GPAT4: variants seen among roughly 807,000 people sequenced by gnomAD.
The protein encoded by GPAT4 is 1-AGP acyltransferase 6.
GPAT4 carries 17 observed loss-of-function variants against 58.0 expected under a neutral mutation model. The observed-to-expected ratio is 0.29, with a 90% CI of 0.20 to 0.44. The LOEUF is 0.44. Ranked by LOEUF, GPAT4 falls within the 20% of genes least tolerant of loss-of-function variation. GPAT4 has a pLI of 1.00. For synonymous variants in GPAT4, 204 were observed against 210.1 expected, an observed-to-expected ratio of 0.97 and a Z score of 0.25; for missense variants, 377 against 574.5, an observed-to-expected ratio of 0.66 and a Z score of 3.51.
chr8:41,621,294 T>C lies in GPAT4; in HGVS notation c.*293T>C. On this transcript the variant is annotated 3_prime_UTR_variant, in exon 13 of 13. Coordinates refer to ENST00000396987, the MANE Select transcript of GPAT4 (RefSeq NM_178819.4). ...TGCCATTAAAGTGAACTCCCCACCT[T>C]TGCACGCTGTGCGGGCTGAGTGGTT... 2.5e-6 allele frequency: 1 copy of C among 403,506 alleles called. No homozygotes were observed. The highest frequency in any genetic ancestry group is 4.6e-6 in the Non-Finnish European group (1 of 217,534). The allele number at this position is 403,506 out of a possible 1,614,324, so 25.0% of individuals were successfully genotyped here.
chr8:41,591,924 A>G (rs1802799608), intron 1 of GPAT4, among the ~76,000 whole-genome samples: 1 of 152,242 alleles, frequency 6.6e-6, no homozygotes, highest in Non-Finnish European at 1.5e-5. Flanking sequence ...TTGCCAGGCC[A>G]GAATAGTCAA....
At chr8:41,619,581 G>A (rs908858577) in intron 12 of GPAT4, among the ~76,000 whole-genome samples, 5 of 152,148 alleles carry the variant, frequency 3.3e-5, no homozygotes, top group African/African-American at 7.2e-5. Flanking sequence ...GATGTGGCCC[G>A]TGGGCTGCAT....
intron 1 of GPAT4, among the ~76,000 whole-genome samples, chr8:41,580,310 G>T (rs1388962886): frequency 6.6e-6 from 1 of 151,942 alleles, no homozygotes; most frequent in Admixed American, 6.6e-5. Context: ...TTAAGAAAGA[G>T]TTACTAAGGG....
chr8:41,579,965 G>T (rs1182449399), intron 1 of GPAT4, among the ~76,000 whole-genome samples: 3 of 152,206 alleles, frequency 2.0e-5, no homozygotes, highest in Admixed American at 6.5e-5. Flanking sequence ...GTCCAGAGCT[G>T]CAGGTCTTAA....
chr8:41,595,542 G>T (rs541504488), intron 1 of GPAT4, among the ~76,000 whole-genome samples: 1 of 151,956 alleles, frequency 6.6e-6, no homozygotes, highest in Non-Finnish European at 1.5e-5. Context: ...CAGTGCTTTC[G>T]GGCTAAGCCC....
intron 1 of GPAT4, among the ~76,000 whole-genome samples, chr8:41,581,779 C>T (rs1023391805): frequency 2.0e-5 from 3 of 151,460 alleles, no homozygotes; most frequent in African/African-American, 7.3e-5. Context: ...CAGGCGCCTG[C>T]CACCACGCCC....
chr8:41,594,824 C>T (rs1802883249), intron 1 of GPAT4, among the ~76,000 whole-genome samples: 3 of 152,120 alleles, frequency 2.0e-5, no homozygotes, highest in South Asian at 2.1e-4. Flanking sequence ...AGATTTCAGG[C>T]GTAAGCCACC....
chr8:41,610,853 C>CTGGGAA (rs1228780149), intron 5 of GPAT4, 43 bp downstream of exon 5: 1 of 1,548,364 alleles, frequency 6.5e-7, no homozygotes, highest in African/African-American at 1.4e-5. Context: ...ACAGTTAGTT[C>CTGGGAA]TGGGAATGGT....
At chr8:41,610,873 T>C (rs954824859) in intron 5 of GPAT4, 63 bp downstream of exon 5, 1 of 1,501,398 alleles carries the variant, frequency 6.7e-7, no homozygotes. Flanking sequence ...TGCTCAGATA[T>C]CGAAGGCAAG....
intron 2 of GPAT4, among the ~76,000 whole-genome samples, chr8:41,604,729 A>G (rs1253895864): frequency 6.6e-6 from 1 of 152,180 alleles, no homozygotes; most frequent in Non-Finnish European, 1.5e-5. Context: ...TCCAAGGTGG[A>G]ACTTGTTGGT....
chr8:41,621,091 T>G lies in GPAT4; in HGVS notation c.*90T>G. 2 of 1,509,274 alleles carry G rather than the reference T, an allele frequency of 1.3e-6. No individual in the cohort carries two copies. Among genetic ancestry groups the G allele is most frequent in the Non-Finnish European group, 1.8e-6 (2 of 1,119,756 alleles). 93.5% of individuals were successfully genotyped at this position (1,509,274 alleles called of 1,614,324 possible). The stretch of plus-strand genomic sequence containing the variant: ...CCGCCGCCCCCACTGCTGTGTCCTT[T>G]CCAGACTCCAGGGCTCCCCGGGCTG... On this transcript the variant is annotated 3_prime_UTR_variant, in exon 13 of 13. Coordinates refer to ENST00000396987, the MANE Select transcript of GPAT4 (RefSeq NM_178819.4).
intron 1 of GPAT4, among the ~76,000 whole-genome samples, chr8:41,591,110 G>A (rs962265215): frequency 2.0e-5 from 3 of 152,140 alleles, no homozygotes; most frequent in African/African-American, 7.2e-5. Flanking sequence ...CCACGTGAGA[G>A]GGTTGTGATC....
chr8:41,590,736 C>G (rs373379536), intron 1 of GPAT4, among the ~76,000 whole-genome samples: 2 of 152,142 alleles, frequency 1.3e-5, no homozygotes, highest in African/African-American at 4.8e-5. Flanking sequence ...GGGTTCATGA[C>G]CCAGCACCAC....
chr8:41,586,696 G>A (rs948865516), intron 1 of GPAT4, among the ~76,000 whole-genome samples: 2 of 152,192 alleles, frequency 1.3e-5, no homozygotes, highest in South Asian at 2.1e-4. Context: ...CTGGGATGTC[G>A]TTCTAGAGCC....
At chr8:41,578,349 A>G (rs1199693282) in intron 1 of GPAT4, 71 bp downstream of exon 1, 1 of 151,802 alleles carries the variant, frequency 6.6e-6, no homozygotes, top group Non-Finnish European at 1.5e-5. Context: ...GGGACGTGGG[A>G]GCCGGGCTTG....
intron 1 of GPAT4, among the ~76,000 whole-genome samples, chr8:41,579,898 G>A (rs1281566996): frequency 6.6e-6 from 1 of 152,142 alleles, no homozygotes; most frequent in East Asian, 1.9e-4. Context: ...GGAACGTCCT[G>A]TTCAATGTTT....
chr8:41,600,060 CAA>C (rs1380489171), intron 2 of GPAT4, among the ~76,000 whole-genome samples: 21 of 38,618 alleles, frequency 5.4e-4, no homozygotes, highest in Admixed American at 5.1e-3. Flanking sequence ...TTTTTCGAGA[CAA>C]GAGTCTCACT....
intron 2 of GPAT4, among the ~76,000 whole-genome samples, chr8:41,608,540 C>T (rs935146803): frequency 6.6e-6 from 1 of 152,198 alleles, no homozygotes; most frequent in East Asian, 1.9e-4. Flanking sequence ...CTTATACCAG[C>T]GAAACCAGTT....
At chr8:41,614,323 A>AAACATATTTTGACGAAAT in intron 8 of GPAT4, 63 bp from the exon 9 acceptor site, 1 of 1,381,084 alleles carries the variant, frequency 7.2e-7, no homozygotes, top group Non-Finnish European at 1.0e-6. Flanking sequence ...GGTTATTTAT[A>AAACATATTTTGACGAAAT]AACATATTTT....
Sources: gnomAD v4.1 joint callset for allele counts (sites outside exome capture counted in the v4.1 genomes callset) on GRCh38, gnomAD v4.1.1 for gene constraint, MANE v1.5 for transcripts, NCBI Gene and HGNC (gene_info 2026-07-23, HGNC 2026-07-21) for gene names.